Variants in KTN1 observed in about 807,000 individuals in gnomAD.
The protein encoded by KTN1 is kinectin.
In KTN1, 130 loss-of-function variants were observed where a neutral mutation model predicts 222.5. That is an observed-to-expected ratio of 0.58 (90% CI 0.51 to 0.68). The LOEUF (loss-of-function observed/expected upper bound fraction) is 0.68, where lower values mean the gene tolerates loss of function less well. Among genes scored for constraint, KTN1 ranks in the 30% least tolerant of loss-of-function variants. The pLI is 0.00. For missense variants in KTN1, 1,508 were observed against 1,500.4 expected (o/e 1.01, Z -0.08); for synonymous variants, 512 against 496.3 (o/e 1.03, Z -0.42).
chr14:55,645,289 A>G (rs770052981), intron 18 of KTN1, among the ~76,000 whole-genome samples: 2 of 152,204 alleles, frequency 1.3e-5, no homozygotes, highest in Non-Finnish European at 1.5e-5. Context: ...TTGCAGAAGT[A>G]CAAAATACAG....
chr14:55,648,054 CTG>C lies in KTN1; in HGVS notation c.2240_2241del (p.Val747GlyfsTer5), dbSNP rs767662563. On this transcript the variant is annotated frameshift_variant, in exon 20 of 44. Coordinates refer to ENST00000395314, the MANE Select transcript of KTN1 (RefSeq NM_001079521.2). LOFTEE classifies it high-confidence loss of function. Reference sequence around the variant, plus strand: ...CAAGAAAAAGATGAGAAGTTAAAGACTGTGGAAGAATTACTTGAAACTGGACT... The same window carrying C: ...CAAGAAAAAGATGAGAAGTTAAAGACTGGAAGAATTACTTGAAACTGGACT... 5.2e-6 allele frequency: 8 copies of C among 1,552,578 alleles called. No individual in the cohort carries two copies. Among genetic ancestry groups the C allele is most frequent in the Non-Finnish European group, 7.0e-6 (8 of 1,147,370 alleles).
intron 5 of KTN1, among the ~76,000 whole-genome samples, chr14:55,624,598 C>A (rs1267624180): frequency 6.6e-6 from 1 of 152,080 alleles, no homozygotes; most frequent in African/African-American, 2.4e-5. Flanking sequence ...GAAGATAATC[C>A]ACTATCAACA....
At chr14:55,655,906 C>T (rs2043414582) in intron 28 of KTN1, 136 bp from the exon 29 acceptor site, 3 of 499,968 alleles carry the variant, frequency 6.0e-6, no homozygotes, top group Admixed American at 7.7e-5. Flanking sequence ...AAACAAACTT[C>T]TAAGTTGGTA....
intron 7 of KTN1, 23 bp from the exon 8 acceptor site, chr14:55,633,212 T>C: frequency 7.0e-7 from 1 of 1,418,534 alleles, no homozygotes; most frequent in Non-Finnish European, 9.7e-7. Flanking sequence ...TTTCTAAGTT[T>C]TATGTGTGTA....
intron 43 of KTN1, 199 bp downstream of exon 43, chr14:55,679,884 G>A: frequency 1.8e-6 from 1 of 562,864 alleles, no homozygotes; most frequent in Non-Finnish European, 3.1e-6. Context: ...AGCTTGGAGG[G>A]GTTATCTGTG....
rs975724928 is a variant in KTN1 at position 55,661,808 on chromosome 14, G to T, written c.3090+196G>T. 1.1e-5 allele frequency: 4 copies of T among 375,502 alleles called. No individual in the cohort carries two copies. In the Admixed American group the frequency reaches 1.4e-4, roughly 13 times the overall value. The allele number at this position is 375,502 out of a possible 1,614,324, so 23.3% of individuals were successfully genotyped here. A position where few individuals can be genotyped will look rare whatever the true frequency, so the allele number is the denominator to read the frequency against. ...GTTTTTTTTAAATAAGTGAAAAGAT[G>T]AATTCTTATTCTTATAAATATTTAA... On this transcript the variant is annotated intron_variant, in intron 32 of 43. Transcript: ENST00000395314.
intron 12 of KTN1, among the ~76,000 whole-genome samples, chr14:55,638,085 A>G (rs551999930): frequency 6.6e-6 from 1 of 152,090 alleles, no homozygotes; most frequent in African/African-American, 2.4e-5. Flanking sequence ...CTTTTATTAT[A>G]CAAAAATGTC....
chr14:55,581,107 C>G (rs28651688), intron 1 of KTN1, among the ~76,000 whole-genome samples: 2,262 of 152,318 alleles, frequency 0.015, 31 homozygotes, highest in African/African-American at 0.038. Context: ...AGATTTTTGG[C>G]CTTGGGGACC....
chr14:55,667,285 A>G lies in KTN1; in HGVS notation c.3222A>G (p.Glu1074=), dbSNP rs549465591. The change falls in exon 34 of 44, where the codon GAA becomes GAG. Residue 1074 remains glutamate (E), a synonymous_variant. Coordinates refer to ENST00000395314, the MANE Select transcript of KTN1 (RefSeq NM_001079521.2). ...AAGCTGTTGAGTTGGAGGCTAAAGA[A>G]GTTCTCAAAAAATTATTTCCAAAGG... is the stretch of plus-strand genomic sequence containing the variant. ...QVEAVELEAK[E]VLKKLFPKVS... The G allele has an allele frequency of 3.7e-6, 6 of 1,607,924 alleles. No individual in the cohort carries two copies. In the South Asian group the frequency reaches 6.6e-5, roughly 18 times the overall value.
intron 2 of KTN1, among the ~76,000 whole-genome samples, chr14:55,615,745 G>A (rs1279604710): frequency 6.6e-6 from 1 of 152,126 alleles, no homozygotes; most frequent in East Asian, 1.9e-4. Context: ...GGAAATGGAT[G>A]TGGGATGCTG....
chr14:55,596,556 T>TA (rs2035073375), intron 1 of KTN1, among the ~76,000 whole-genome samples: 1 of 152,338 alleles, frequency 6.6e-6, no homozygotes, highest in East Asian at 1.9e-4. Flanking sequence ...TTCATCCTCT[T>TA]ACCTCATATT....
intron 43 of KTN1, 45 bp from the exon 44 acceptor site, chr14:55,684,054 T>C (rs746218937): frequency 1.3e-6 from 2 of 1,567,220 alleles, no homozygotes; most frequent in Non-Finnish European, 1.7e-6. Flanking sequence ...TTGCCTTCTG[T>C]TGCTTTGTTT....
At chr14:55,618,411 A>C (rs981865647) in intron 4 of KTN1, among the ~76,000 whole-genome samples, 2 of 151,658 alleles carry the variant, frequency 1.3e-5, no homozygotes, top group African/African-American at 2.4e-5. Context: ...CTAATTCATA[A>C]CTGTTGTTTT....
rs934754938 is a variant in KTN1, at chr14:55,644,248, C to A, written c.2172+2488C>A. ...TCTGTCATTTCCACTTTTCTTTAAC[C>A]CCTTTCTATCCCACAGTCAGAATTC... On this transcript the variant is annotated intron_variant, in intron 18 of 43. Coordinates refer to ENST00000395314, the MANE Select transcript of KTN1 (RefSeq NM_001079521.2). The A allele has an allele frequency of 8.1e-6, 4 of 494,254 alleles. No homozygotes were observed. The Admixed American group carries it at 1.2e-4, about 15-fold the overall frequency. The allele number at this position is 494,254 out of a possible 1,614,324, so 30.6% of individuals were successfully genotyped here. A position where few individuals can be genotyped will look rare whatever the true frequency, so the allele number is the denominator to read the frequency against.
chr14:55,644,208 G>T (rs2141029325), intron 18 of KTN1: 1,103 of 368,732 alleles, frequency 3.0e-3, no homozygotes, highest in Middle Eastern at 4.4e-3. Context: ...AGAAAAGATT[G>T]GTATAATCTT....
chr14:55,649,074 A>T (rs1566795378), intron 21 of KTN1, among the ~76,000 whole-genome samples: 1 of 152,222 alleles, frequency 6.6e-6, no homozygotes, highest in Non-Finnish European at 1.5e-5. Context: ...CTGTAGGCTC[A>T]TGCCACAATG....
At position 55,610,444 on chromosome 14, in the gene KTN1, C is replaced by T. The variant is rs535034876; in HGVS notation, c.-30-1575C>T. Among the ~76,000 whole-genome samples the T allele has an allele frequency of 2.0e-4, 30 of 152,280 alleles. No individual in the cohort carries two copies. In the East Asian group the frequency reaches 5.2e-3, roughly 26 times the overall value. Reference sequence around the variant, plus strand: ...CAAAGTCTTATATTCAATAAACTCACATTTATCCAATTTAAAATCAGGTAT... The same window carrying T: ...CAAAGTCTTATATTCAATAAACTCATATTTATCCAATTTAAAATCAGGTAT... On this transcript the variant is annotated intron_variant, in intron 1 of 43. Transcript: ENST00000395314.
chr14:55,589,859 A>G (rs765729091), intron 1 of KTN1, among the ~76,000 whole-genome samples: 3 of 151,960 alleles, frequency 2.0e-5, no homozygotes, highest in Non-Finnish European at 1.5e-5. Flanking sequence ...GGGTTTCACC[A>G]TGTTGGCCAG....
rs1279821348 is a variant in KTN1 at position 55,625,287 on chromosome 14, CTAT to C, written c.964-2620_964-2618del. Among the ~76,000 whole-genome samples, 5 of 152,120 alleles carry C rather than the reference CTAT, an allele frequency of 3.3e-5. No individual in the cohort carries two copies. In the East Asian group the frequency reaches 5.8e-4, roughly 18 times the overall value. On this transcript the variant is annotated intron_variant, in intron 5 of 43. Coordinates refer to ENST00000395314, the MANE Select transcript of KTN1 (RefSeq NM_001079521.2). Reference sequence around the variant, plus strand: ...TATAATAACTGCTGAAAAGTGTAAACTATTATTGTAATTATTAGTAAGAAAATG... The same window carrying C: ...TATAATAACTGCTGAAAAGTGTAAACTATTGTAATTATTAGTAAGAAAATG...
Sources: gnomAD v4.1 joint callset for allele counts (sites outside exome capture counted in the v4.1 genomes callset) on GRCh38, gnomAD v4.1.1 for gene constraint, MANE v1.5 for transcripts, NCBI Gene and HGNC (gene_info 2026-07-23, HGNC 2026-07-21) for gene names.